CNTN1: variants seen among roughly 807,000 people sequenced by gnomAD.
The protein encoded by CNTN1 is contactin 1, also known as contactin-1.
A neutral mutation model predicts 126.4 loss-of-function variants in CNTN1; 38 were observed. The ratio of observed to expected loss-of-function variants is 0.30; its 90% CI spans 0.23 to 0.39. The LOEUF (loss-of-function observed/expected upper bound fraction) is 0.39. Among genes scored for constraint, CNTN1 ranks in the 10% least tolerant of loss-of-function variants. The pLI is 1.00. For missense variants in CNTN1, 1,009 were observed against 1,248.4 expected (o/e 0.81, Z 2.89); for synonymous variants, 413 against 422.6 (o/e 0.98, Z 0.28).
At chr12:40,970,227 G>C (rs1229017762) in intron 15 of CNTN1, among the ~76,000 whole-genome samples, 1 of 151,950 alleles carries the variant, frequency 6.6e-6, no homozygotes, top group Non-Finnish European at 1.5e-5. Flanking sequence ...CTTGGTGACT[G>C]TTCACAGCAC....
intron 23 of CNTN1, among the ~76,000 whole-genome samples, chr12:41,046,489 A>C (rs1272912234): frequency 1.3e-5 from 2 of 152,102 alleles, no homozygotes; most frequent in Non-Finnish European, 2.9e-5. Flanking sequence ...ATACTATTTG[A>C]ATGTGTTAGT....
intron 23 of CNTN1, among the ~76,000 whole-genome samples, chr12:41,059,791 G>A (rs1463411901): frequency 2.6e-5 from 4 of 152,118 alleles, no homozygotes; most frequent in Admixed American, 6.5e-5. Context: ...TTGCAGGGTC[G>A]AGGTGAGAGG....
At chr12:40,699,483 T>C (rs1941541728) in intron 1 of CNTN1, among the ~76,000 whole-genome samples, 1 of 152,196 alleles carries the variant, frequency 6.6e-6, no homozygotes, top group South Asian at 2.1e-4. Flanking sequence ...TAATTCCAAA[T>C]TGCTAAATCA....
chr12:40,778,498 C>G (rs2136445306), intron 1 of CNTN1, among the ~76,000 whole-genome samples: 1 of 151,810 alleles, frequency 6.6e-6, no homozygotes, highest in South Asian at 2.1e-4. Context: ...TTTTAAAATA[C>G]CAATTCACTT....
At chr12:40,955,221 A>G (rs1197016463) in intron 14 of CNTN1, among the ~76,000 whole-genome samples, 1 of 151,898 alleles carries the variant, frequency 6.6e-6, no homozygotes, top group African/African-American at 2.4e-5. Flanking sequence ...ATCCTGTATG[A>G]CCCAAGACTT....
intron 1 of CNTN1, among the ~76,000 whole-genome samples, chr12:40,722,448 T>C (rs1477861201): frequency 6.6e-6 from 1 of 152,148 alleles, no homozygotes; most frequent in Non-Finnish European, 1.5e-5. Context: ...TCTGGCCCTA[T>C]GAGCTTTGGA....
At chr12:40,830,327 A>T (rs1941765900) in intron 1 of CNTN1, among the ~76,000 whole-genome samples, 1 of 152,118 alleles carries the variant, frequency 6.6e-6, no homozygotes, top group Non-Finnish European at 1.5e-5. Flanking sequence ...CTTGTTTGGT[A>T]TATATGAGGC....
At position 41,022,154 on chromosome 12, in the gene CNTN1, A is replaced by G. The variant is rs185053299; in HGVS notation, c.2523+1714A>G. Reference sequence around the variant, plus strand: ...ACAAGAAGAAGACAAAAGAAATAAGAGGTAGGAAGCAACATAGTGGAACCA... The same window carrying G: ...ACAAGAAGAAGACAAAAGAAATAAGGGGTAGGAAGCAACATAGTGGAACCA... On this transcript the variant is annotated intron_variant, in intron 20 of 23. Transcript: ENST00000551295. 2.2e-3 allele frequency among the ~76,000 whole-genome samples: 333 copies of G among 152,290 alleles called. 1 individual carries two copies. The highest frequency in any genetic ancestry group is 2.9e-3 in the Non-Finnish European group (194 of 68,010).
At chr12:40,705,836 A>G (rs1941724510) in intron 1 of CNTN1, among the ~76,000 whole-genome samples, 1 of 152,160 alleles carries the variant, frequency 6.6e-6, no homozygotes, top group Non-Finnish European at 1.5e-5. Flanking sequence ...GAAGGTAAAG[A>G]GGGAGCAGGT....
intron 17 of CNTN1, 98 bp from the exon 18 acceptor site, chr12:41,014,130 T>G: frequency 3.8e-6 from 4 of 1,064,194 alleles, no homozygotes; most frequent in Non-Finnish European, 5.7e-6. Context: ...AAGAAAAACA[T>G]TTGTGGTTTC....
At chr12:40,887,420 T>C (rs908219972) in intron 1 of CNTN1, among the ~76,000 whole-genome samples, 2 of 152,124 alleles carry the variant, frequency 1.3e-5, no homozygotes, top group African/African-American at 4.8e-5. Context: ...AAAATGCTCG[T>C]CGTCACTGGC....
intron 1 of CNTN1, among the ~76,000 whole-genome samples, chr12:40,823,147 A>T (rs1941505219): frequency 6.6e-6 from 1 of 152,142 alleles, no homozygotes; most frequent in Non-Finnish European, 1.5e-5. Flanking sequence ...ATTCTTTTCC[A>T]TATTATAATT....
At chr12:41,022,233 TTGA>T (rs1277737258) in intron 20 of CNTN1, among the ~76,000 whole-genome samples, 1 of 152,190 alleles carries the variant, frequency 6.6e-6, no homozygotes, top group African/African-American at 2.4e-5. Context: ...GAACTAAACC[TTGA>T]TTAAGGATTT....
At chr12:40,729,023 C>T (rs1422588130) in intron 1 of CNTN1, 2 of 153,242 alleles carry the variant, frequency 1.3e-5, no homozygotes, top group South Asian at 2.0e-4. Context: ...AACACTGACC[C>T]GTGGGCCAGT....
intron 18 of CNTN1, among the ~76,000 whole-genome samples, chr12:41,014,988 C>G (rs1438234577): frequency 6.6e-6 from 1 of 152,146 alleles, no homozygotes; most frequent in Non-Finnish European, 1.5e-5. Context: ...ATTAAATACA[C>G]TTAGTGTTGA....
chr12:40,801,455 A>T (rs943062923), intron 1 of CNTN1, among the ~76,000 whole-genome samples: 1 of 152,010 alleles, frequency 6.6e-6, no homozygotes, highest in African/African-American at 2.4e-5. Flanking sequence ...TATAGTTTTG[A>T]TCAGAGTAAT....
intron 1 of CNTN1, among the ~76,000 whole-genome samples, chr12:40,716,203 A>G (rs979026397): frequency 4.0e-5 from 6 of 151,118 alleles, no homozygotes; most frequent in African/African-American, 1.5e-4. Flanking sequence ...CAAGGGTACT[A>G]GATGCTTCCA....
chr12:41,056,943 ATAATATT>A (rs1949821915), intron 23 of CNTN1, among the ~76,000 whole-genome samples: 1 of 49,752 alleles, frequency 2.0e-5, no homozygotes, highest in Non-Finnish European at 3.7e-5. Context: ...ATAAATATTT[ATAATATT>A]TAGATATTTA....
intron 1 of CNTN1, among the ~76,000 whole-genome samples, chr12:40,880,162 G>A (rs1369346411): frequency 6.6e-6 from 1 of 151,954 alleles, no homozygotes; most frequent in Non-Finnish European, 1.5e-5. Flanking sequence ...TAGCAATAAG[G>A]AAAAGGCAGA....
Sources: allele counts gnomAD v4.1 joint callset (sites outside exome capture counted in the v4.1 genomes callset), GRCh38; gene constraint gnomAD v4.1.1; transcripts MANE v1.5; gene names NCBI Gene and HGNC (gene_info 2026-07-23, HGNC 2026-07-21).